Variants in MREG observed in about 807,000 individuals in gnomAD.
The protein encoded by MREG is dilute suppressor protein homolog.
A neutral mutation model predicts 28.5 loss-of-function variants in MREG; 31 were observed. The observed-to-expected ratio is 1.09, with a 90% CI of 0.82 to 1.47. The LOEUF (loss-of-function observed/expected upper bound fraction) is 1.47. MREG is among the 40% of genes most tolerant of loss of function. The probability of loss-of-function intolerance (pLI) is 0.00; values close to 1 mark genes in which losing one functional copy is unlikely to be tolerated. For missense variants in MREG, 256 were observed against 257.4 expected, an observed-to-expected ratio of 0.99 and a Z score of 0.04; for synonymous variants, 106 against 95.2, an observed-to-expected ratio of 1.11 and a Z score of -0.66.
chr2:216,001,526 CT>C (rs1340459330), intron 1 of MREG, among the ~76,000 whole-genome samples: 1 of 152,238 alleles, frequency 6.6e-6, no homozygotes, highest in East Asian at 1.9e-4. Context: ...CACTCTGCCC[CT>C]CTGCCTCTCC....
intron 1 of MREG, among the ~76,000 whole-genome samples, chr2:216,002,237 A>G (rs1339021810): frequency 1.3e-5 from 2 of 152,234 alleles, no homozygotes; most frequent in African/African-American, 4.8e-5. Flanking sequence ...TCAAGACCCA[A>G]TCAATCCAGA....
intron 2 of MREG, among the ~76,000 whole-genome samples, chr2:215,951,557 C>T (rs1040494875): frequency 6.6e-6 from 1 of 152,148 alleles, no homozygotes; most frequent in Non-Finnish European, 1.5e-5. Flanking sequence ...TGGCCCTGAA[C>T]TTTAACAATG....
chr2:215,979,802 A>T lies in MREG; in HGVS notation c.255+16504T>A, dbSNP rs1693369549. Among the ~76,000 whole-genome samples, 3 of 151,914 alleles carry T rather than the reference A, an allele frequency of 2.0e-5. No individual in the cohort carries two copies. The South Asian group carries it at 6.2e-4, about 32-fold the overall frequency. ...GATGATCTCAGACACTCTAAGAAAA[A>T]CCAAAGTCAATACTGAGTAGGTCAC... On this transcript the variant is annotated intron_variant, in intron 2 of 4. Coordinates refer to ENST00000263268, the MANE Select transcript of MREG (RefSeq NM_018000.3).
chr2:215,963,035 G>A (rs1400155994), intron 2 of MREG, among the ~76,000 whole-genome samples: 5 of 152,202 alleles, frequency 3.3e-5, no homozygotes, highest in Non-Finnish European at 4.4e-5. Flanking sequence ...GGCTGAGGTA[G>A]GAGGATTGCT....
intron 4 of MREG, 82 bp downstream of exon 4, chr2:215,945,489 G>T (rs753740141): frequency 1.1e-5 from 16 of 1,494,238 alleles, no homozygotes; most frequent in Non-Finnish European, 1.4e-5. Context: ...GGTGGTGTTG[G>T]AATACGGAGG....
rs1428237092 is a variant in MREG, at chr2:215,942,716, T to C, written c.*2147A>G. 3 of 152,636 alleles carry C rather than the reference T, an allele frequency of 2.0e-5. No individual in the cohort carries two copies. Among genetic ancestry groups the C allele is most frequent in the Admixed American group, 6.5e-5 (1 of 15,274 alleles). 9.5% of individuals were successfully genotyped at this position (152,636 alleles called of 1,614,324 possible). ...AAATACTGTGGTAACAATTTATAGA[T>C]GCACACAATCTCATCTATTTTGACA... On this transcript the variant is annotated 3_prime_UTR_variant, in exon 5 of 5. Transcript: ENST00000263268.
chr2:215,959,803 T>C (rs1692729707), intron 2 of MREG, among the ~76,000 whole-genome samples: 1 of 152,216 alleles, frequency 6.6e-6, no homozygotes, highest in Admixed American at 6.5e-5. Context: ...CCTTCCTCTG[T>C]GATCTAAATC....
chr2:215,957,252 G>C (rs1408628011), intron 2 of MREG, among the ~76,000 whole-genome samples: 1 of 152,220 alleles, frequency 6.6e-6, no homozygotes, highest in Non-Finnish European at 1.5e-5. Flanking sequence ...TTTTCTAGAA[G>C]CAGAGGATTC....
In MREG at chr2:215,944,975, G is replaced by A; in HGVS notation, c.533C>T (p.Ala178Val). The change falls in exon 5 of 5, where the codon GCT becomes GTT. Residue 178 changes from alanine to valine, a missense_variant. Coordinates refer to ENST00000263268, the MANE Select transcript of MREG (RefSeq NM_018000.3). The part of the protein sequence containing the change: ...FVVDRLIALD[A>V]AEEFFKLARR... ...AGCAAGCTTAAAGAACTCTTCTGCA[G>A]CATCAAGTGCAATGAGACGGTCCTG... 2 of 1,593,696 alleles carry A rather than the reference G, an allele frequency of 1.3e-6. No homozygotes were observed. The highest frequency in any genetic ancestry group is 8.6e-7 in the Non-Finnish European group (1 of 1,163,806).
chr2:215,969,284 C>A (rs1693024619), intron 2 of MREG, among the ~76,000 whole-genome samples: 2 of 152,120 alleles, frequency 1.3e-5, no homozygotes, highest in Non-Finnish European at 2.9e-5. Flanking sequence ...GGGAAGAGTT[C>A]CAGAGATAAC....
intron 2 of MREG, among the ~76,000 whole-genome samples, chr2:215,972,005 C>T (rs1330896754): frequency 6.6e-6 from 1 of 152,188 alleles, no homozygotes; most frequent in African/African-American, 2.4e-5. Context: ...ATGCCAGGTG[C>T]TGATTGCCAG....
At chr2:215,966,438 A>C (rs1692941643) in intron 2 of MREG, among the ~76,000 whole-genome samples, 1 of 152,012 alleles carries the variant, frequency 6.6e-6, no homozygotes, top group Non-Finnish European at 1.5e-5. Context: ...CCACTTCCCT[A>C]ATCACCCCAA....
At position 215,962,790 on chromosome 2, in the gene MREG, T is replaced by G. The variant is rs557265658; in HGVS notation, c.256-15677A>C. 5.3e-5 allele frequency among the ~76,000 whole-genome samples: 8 copies of G among 152,268 alleles called. 1 individual carries two copies. The East Asian group carries it at 1.5e-3, about 29-fold the overall frequency. On this transcript the variant is annotated intron_variant, in intron 2 of 4. Coordinates refer to ENST00000263268, the MANE Select transcript of MREG (RefSeq NM_018000.3). The stretch of plus-strand genomic sequence containing the variant: ...CTACTGAGCACCTCAACGTAGCTGA[T>G]CCAAACTGAGATGGGCGGTAAGGGT...
chr2:215,988,904 T>C lies in MREG; in HGVS notation c.255+7402A>G, dbSNP rs986925984. Among the ~76,000 whole-genome samples, 4 of 152,192 alleles carry C rather than the reference T, an allele frequency of 2.6e-5. No individual in the cohort carries two copies. In the South Asian group the frequency reaches 6.2e-4, roughly 24 times the overall value. Reference sequence around the variant, plus strand: ...GGCAGCAGCCCCAGTCAGGGGCTTATAGATAAAACTCCCATCTCCCTGGGA... The same window carrying C: ...GGCAGCAGCCCCAGTCAGGGGCTTACAGATAAAACTCCCATCTCCCTGGGA... On this transcript the variant is annotated intron_variant, in intron 2 of 4. Transcript: ENST00000263268.
intron 2 of MREG, among the ~76,000 whole-genome samples, chr2:215,956,977 T>C (rs1692642587): frequency 6.6e-6 from 1 of 152,154 alleles, no homozygotes; most frequent in South Asian, 2.1e-4. Flanking sequence ...CTGAAGTAAC[T>C]TCCCCAAGCA....
In MREG at chr2:215,974,833, C is replaced by G. The variant is rs200271681; in HGVS notation, c.255+21473G>C. On this transcript the variant is annotated intron_variant, in intron 2 of 4. Coordinates refer to ENST00000263268, the MANE Select transcript of MREG (RefSeq NM_018000.3). Reference sequence around the variant, plus strand: ...ACACAGACACACACACAGACACACACACACACACACACACACACACTCTCT... The same window carrying G: ...ACACAGACACACACACAGACACACAGACACACACACACACACACACTCTCT... 2.5e-3 allele frequency among the ~76,000 whole-genome samples: 247 copies of G among 99,520 alleles called. 2 individuals are homozygous for G. The highest frequency in any genetic ancestry group is 0.019 in the Admixed American group (170 of 8,978). The allele number at this position is 99,520 out of a possible 152,430, so 65.3% of individuals were successfully genotyped here. A position where few individuals can be genotyped will look rare whatever the true frequency, so the allele number is the denominator to read the frequency against.
chr2:216,005,254 C>T (rs1694117318), intron 1 of MREG, among the ~76,000 whole-genome samples: 1 of 152,046 alleles, frequency 6.6e-6, no homozygotes, highest in African/African-American at 2.4e-5. Context: ...AAAGTGAGTT[C>T]TATGAGAACA....
intron 1 of MREG, among the ~76,000 whole-genome samples, chr2:216,028,216 G>A (rs1694625065): frequency 6.6e-6 from 1 of 152,102 alleles, no homozygotes; most frequent in Non-Finnish European, 1.5e-5. Context: ...TCACGAACTT[G>A]CTCAAAATAC....
At chr2:216,012,433 C>T (rs1375856813) in intron 1 of MREG, among the ~76,000 whole-genome samples, 2 of 152,108 alleles carry the variant, frequency 1.3e-5, no homozygotes, top group Non-Finnish European at 2.9e-5. Flanking sequence ...AGAAAGAAAC[C>T]CTGGCTTTAG....
Sources: allele counts gnomAD v4.1 joint callset (sites outside exome capture counted in the v4.1 genomes callset), GRCh38; gene constraint gnomAD v4.1.1; transcripts MANE v1.5; gene names NCBI Gene and HGNC (gene_info 2026-07-23, HGNC 2026-07-21).